Variants in SRD5A2 observed in about 807,000 individuals in gnomAD.
SRD5A2 encodes the protein 3-oxo-5-alpha-steroid 4-dehydrogenase 2.
In SRD5A2, 30 loss-of-function variants were observed where a neutral mutation model predicts 27.4. That is an observed-to-expected ratio of 1.10 (90% CI 0.82 to 1.49). The LOEUF is 1.49. Among genes scored for constraint, SRD5A2 ranks in the 40% most tolerant of loss-of-function variants. SRD5A2 has a pLI of 0.00. For missense variants in SRD5A2, 348 were observed against 323.4 expected, an observed-to-expected ratio of 1.08 and a Z score of -0.58; for synonymous variants, 141 against 133.6, an observed-to-expected ratio of 1.06 and a Z score of -0.38.
chr2:31,555,832 G>A (rs561428129), intron 1 of SRD5A2, among the ~76,000 whole-genome samples: 4 of 152,192 alleles, frequency 2.6e-5, no homozygotes, highest in African/African-American at 7.2e-5. Flanking sequence ...TTAGCCAGGC[G>A]TAGTCATGCA....
At chr2:31,555,751 T>G (rs778845507) in intron 1 of SRD5A2, among the ~76,000 whole-genome samples, 2 of 152,144 alleles carry the variant, frequency 1.3e-5, no homozygotes, top group African/African-American at 4.8e-5. Context: ...AGAAAACATG[T>G]CCTGATAATG....
At position 31,549,651 on chromosome 2, in the gene SRD5A2, T is replaced by C. The variant is rs565415999; in HGVS notation, c.282-15885A>G. Among the ~76,000 whole-genome samples the C allele has an allele frequency of 2.6e-5, 4 of 152,304 alleles. No homozygotes were observed. The East Asian group carries it at 7.7e-4, about 29-fold the overall frequency. ...AAATTACCAGAATTAGAGAGGGACA[T>C]TATATAATGATAAAATGGTAAGTTA... is the stretch of plus-strand genomic sequence containing the variant. On this transcript the variant is annotated intron_variant, in intron 1 of 4. Coordinates refer to ENST00000622030, the MANE Select transcript of SRD5A2 (RefSeq NM_000348.4).
the SRD5A2 span, among the ~76,000 whole-genome samples, chr2:31,633,739 G>A: frequency 3.2e-4 from 49 of 152,238 alleles, 1 homozygote; most frequent in South Asian, 7.3e-3. Context: ...CCTGTTGAGC[G>A]GGGGGACTGC....
At chr2:31,534,205 T>C (rs1420763075) in intron 1 of SRD5A2, among the ~76,000 whole-genome samples, 1 of 152,220 alleles carries the variant, frequency 6.6e-6, no homozygotes, top group Non-Finnish European at 1.5e-5. Flanking sequence ...ATCTAGGTCT[T>C]CTGATAATCC....
intron 1 of SRD5A2, among the ~76,000 whole-genome samples, chr2:31,564,010 C>G (rs548868596): frequency 6.6e-6 from 1 of 151,910 alleles, no homozygotes; most frequent in Non-Finnish European, 1.5e-5. Flanking sequence ...TATCCAACAC[C>G]CAATGAGGTA....
rs1260517780 is a variant in SRD5A2, at chr2:31,529,563, G to T, written c.548-106C>A. On this transcript the variant is annotated intron_variant, in intron 3 of 4. Transcript: ENST00000622030. ...CACAAAGGCAGCAAGAACAAATGTG[G>T]GGCTGGAGGCTCCCTCCATAGTCAT... 7 of 1,447,466 alleles carry T rather than the reference G, an allele frequency of 4.8e-6. No individual in the cohort carries two copies. In the African/African-American group the frequency reaches 7.1e-5, roughly 15 times the overall value. The allele number at this position is 1,447,466 out of a possible 1,614,324, so 89.7% of individuals were successfully genotyped here. A position where few individuals can be genotyped will look rare whatever the true frequency, so the allele number is the denominator to read the frequency against.
At chr2:31,591,893 C>T in the SRD5A2 span, among the ~76,000 whole-genome samples, 139 of 136,942 alleles carry the variant, frequency 1.0e-3, no homozygotes, top group African/African-American at 3.5e-3. Context: ...ACAATGAGAA[C>T]ACATGGGCAC....
intron 2 of SRD5A2, among the ~76,000 whole-genome samples, chr2:31,533,310 T>G (rs929361935): frequency 1.5e-4 from 23 of 151,672 alleles, no homozygotes; most frequent in African/African-American, 5.3e-4. Context: ...GGAAAAGAGG[T>G]TGGGAAATTG....
chr2:31,614,077 T>A, the SRD5A2 span, among the ~76,000 whole-genome samples: 1 of 152,148 alleles, frequency 6.6e-6, no homozygotes, highest in Non-Finnish European at 1.5e-5. Context: ...GTTTTGAAAC[T>A]AATAATGCCT....
chr2:31,635,697 T>C, the SRD5A2 span, among the ~76,000 whole-genome samples: 538 of 152,244 alleles, frequency 3.5e-3, 3 homozygotes, highest in Non-Finnish European at 4.7e-3. Flanking sequence ...TCAGATCTTA[T>C]ATTTAAGTCT....
intron 1 of SRD5A2, among the ~76,000 whole-genome samples, chr2:31,571,284 T>C (rs1666844459): frequency 6.6e-6 from 1 of 152,102 alleles, no homozygotes; most frequent in Admixed American, 6.5e-5. Flanking sequence ...GGACTCCCTA[T>C]TCAAAATGGA....
chr2:31,658,542 T>C, the SRD5A2 span, among the ~76,000 whole-genome samples: 3 of 151,356 alleles, frequency 2.0e-5, no homozygotes, highest in African/African-American at 7.3e-5. Flanking sequence ...ACATTACCAC[T>C]GACCCCACAG....
In SRD5A2 at chr2:31,559,836, C is replaced by CAACACACACACA. The variant is rs70964719; in HGVS notation, c.281+20783_281+20784insTGTGTGTGTGTT. Among the ~76,000 whole-genome samples the CAACACACACACA allele has an allele frequency of 9.4e-3, 598 of 63,762 alleles. 12 individuals are homozygous for CAACACACACACA. Among genetic ancestry groups the CAACACACACACA allele is most frequent in the African/African-American group, 0.025 (546 of 22,150 alleles). The allele number at this position is 63,762 out of a possible 152,430, so 41.8% of individuals were successfully genotyped here. On this transcript the variant is annotated intron_variant, in intron 1 of 4. Transcript: ENST00000622030. ...TGCCCATAAGTAAAAGTAAACAAAC[C>CAACACACACACA]CACACACACACACACACACACACAC...
chr2:31,608,656 C>T, the SRD5A2 span, among the ~76,000 whole-genome samples: 1 of 151,890 alleles, frequency 6.6e-6, no homozygotes, highest in Admixed American at 6.6e-5. Flanking sequence ...ATTACAAAAA[C>T]AATCCATTTA....
chr2:31,618,111 A>G, the SRD5A2 span, among the ~76,000 whole-genome samples: 1 of 152,194 alleles, frequency 6.6e-6, no homozygotes, highest in East Asian at 1.9e-4. Flanking sequence ...GAGAATGAGG[A>G]ACAGAGTAAG....
intron 3 of SRD5A2, among the ~76,000 whole-genome samples, chr2:31,530,516 G>C (rs902446054): frequency 6.6e-6 from 1 of 152,112 alleles, no homozygotes; most frequent in Non-Finnish European, 1.5e-5. Flanking sequence ...ATTTTTGTTT[G>C]ATGTAGATAC....
intron 1 of SRD5A2, among the ~76,000 whole-genome samples, chr2:31,572,728 T>C (rs886101846): frequency 1.3e-5 from 2 of 152,154 alleles, no homozygotes; most frequent in African/African-American, 4.8e-5. Flanking sequence ...CATGTACTGC[T>C]GATACAAGAG....
upstream of SRD5A2, among the ~76,000 whole-genome samples, chr2:31,585,691 G>A (rs577346048): frequency 1.3e-5 from 2 of 152,308 alleles, no homozygotes; most frequent in African/African-American, 4.8e-5. Flanking sequence ...GTGAGCCTCT[G>A]AGACTAGCTG....
At chr2:31,606,509 T>G in the SRD5A2 span, among the ~76,000 whole-genome samples, 5 of 152,008 alleles carry the variant, frequency 3.3e-5, no homozygotes, top group African/African-American at 1.2e-4. Context: ...CCTTGTTCTT[T>G]CCCCATGCAG....
Sources: gnomAD v4.1 joint callset for allele counts (sites outside exome capture counted in the v4.1 genomes callset) on GRCh38, gnomAD v4.1.1 for gene constraint, MANE v1.5 for transcripts, NCBI Gene and HGNC (gene_info 2026-07-23, HGNC 2026-07-21) for gene names.